AGO2: variants seen among roughly 807,000 people sequenced by gnomAD.
AGO2 encodes protein argonaute-2.
A neutral mutation model predicts 102.3 loss-of-function variants in AGO2; 5 were observed. That is an observed-to-expected ratio of 0.05 (90% CI 0.03 to 0.10). The LOEUF is 0.10. Ranked by LOEUF, AGO2 falls within the 10% of genes least tolerant of loss-of-function variation. AGO2 has a pLI of 1.00. For missense variants in AGO2, 541 were observed against 1,183.7 expected (o/e 0.46, Z 7.97); for synonymous variants, 449 against 473.1 (o/e 0.95, Z 0.66).
At chr8:140,608,139 GCT>G (rs1204936048) in intron 1 of AGO2, among the ~76,000 whole-genome samples, 2 of 152,154 alleles carry the variant, frequency 1.3e-5, no homozygotes, top group African/African-American at 4.8e-5. Flanking sequence ...GGGCTTGTGA[GCT>G]CTGTCTGGAG....
intron 2 of AGO2, among the ~76,000 whole-genome samples, chr8:140,581,599 C>G (rs1006388846): frequency 1.3e-5 from 2 of 152,250 alleles, no homozygotes; most frequent in African/African-American, 4.8e-5. Context: ...CAGATTCACA[C>G]AGGGTTCTAT....
intron 1 of AGO2, among the ~76,000 whole-genome samples, chr8:140,619,915 T>C (rs2074196111): frequency 6.6e-6 from 1 of 152,200 alleles, no homozygotes. Context: ...CATGTAGATG[T>C]GTGTACACAC....
chr8:140,607,433 C>T (rs910633965), intron 1 of AGO2, among the ~76,000 whole-genome samples: 3 of 142,784 alleles, frequency 2.1e-5, no homozygotes, highest in Admixed American at 1.4e-4. Flanking sequence ...GAGACCCCGT[C>T]TCACCCCCAC....
intron 1 of AGO2, among the ~76,000 whole-genome samples, chr8:140,628,082 T>G (rs928262038): frequency 1.3e-5 from 2 of 152,192 alleles, no homozygotes; most frequent in African/African-American, 4.8e-5. Context: ...GGCAATCACC[T>G]GGGACATCTG....
At chr8:140,641,456 T>G in the AGO2 span, among the ~76,000 whole-genome samples, 1 of 152,250 alleles carries the variant, frequency 6.6e-6, no homozygotes, top group Non-Finnish European at 1.5e-5. Context: ...TCCTTTATAC[T>G]ATCATTCTTA....
chr8:140,529,756 C>T lies in AGO2; in HGVS notation c.*2288G>A, dbSNP rs2072558277. On this transcript the variant is annotated 3_prime_UTR_variant, in exon 19 of 19. Transcript: ENST00000220592. ...GCTTAGACACAGATGCCCTGGCCAT[C>T]CCTGAAGTACCGCACGCAGGAGGTG... 6.6e-6 allele frequency: 1 copy of T among 152,192 alleles called. No individual in the cohort carries two copies. The highest frequency in any genetic ancestry group is 1.5e-5 in the Non-Finnish European group (1 of 68,036). The allele number at this position is 152,192 out of a possible 1,614,324, so 9.4% of individuals were successfully genotyped here. A position where few individuals can be genotyped will look rare whatever the true frequency, so the allele number is the denominator to read the frequency against.
chr8:140,625,979 C>G (rs1179947405), intron 1 of AGO2, among the ~76,000 whole-genome samples: 2 of 152,252 alleles, frequency 1.3e-5, no homozygotes, highest in Admixed American at 1.3e-4. Flanking sequence ...CACGAAGCAG[C>G]AGCACGCACA....
chr8:140,562,398 G>GA, intron 4 of AGO2, 55 bp downstream of exon 4: 1 of 1,556,330 alleles, frequency 6.4e-7, no homozygotes, highest in South Asian at 1.2e-5. Context: ...CCCTGCGGGG[G>GA]GCCCTCGGAG....
chr8:140,576,990 G>A (rs569131096), intron 2 of AGO2, among the ~76,000 whole-genome samples: 10 of 152,212 alleles, frequency 6.6e-5, no homozygotes, highest in African/African-American at 1.9e-4. Context: ...GGTGGATCAC[G>A]AGATCAGGAG....
intron 4 of AGO2, among the ~76,000 whole-genome samples, chr8:140,560,859 ACCTCTTGGGGCCTGTGTCCC>A: frequency 6.6e-6 from 1 of 151,754 alleles, no homozygotes; most frequent in Non-Finnish European, 1.5e-5. Context: ...TCTACTCTTC[ACCTCTTGGGGCCTGTGTCCC>A]CAAGCGCAGA....
intron 1 of AGO2, among the ~76,000 whole-genome samples, chr8:140,596,545 T>G (rs1564107544): frequency 6.6e-6 from 1 of 152,176 alleles, no homozygotes; most frequent in African/African-American, 2.4e-5. Context: ...ATGGCACCAT[T>G]GCACTCCAGC....
chr8:140,613,469 A>C (rs2074105891), intron 1 of AGO2, among the ~76,000 whole-genome samples: 1 of 152,222 alleles, frequency 6.6e-6, no homozygotes, highest in African/African-American at 2.4e-5. Flanking sequence ...GATATAACCC[A>C]CATAAACAAA....
intron 11 of AGO2, among the ~76,000 whole-genome samples, chr8:140,550,273 C>A (rs1230483812): frequency 2.0e-5 from 3 of 152,210 alleles, no homozygotes; most frequent in Non-Finnish European, 4.4e-5. Flanking sequence ...TGTTAAGGGA[C>A]CGGCTACACC....
intron 1 of AGO2, among the ~76,000 whole-genome samples, chr8:140,596,246 G>A (rs6987875): frequency 0.089 from 13,472 of 151,920 alleles, 688 homozygotes; most frequent in Non-Finnish European, 0.12. Flanking sequence ...ATGAATATTG[G>A]ATACATCATT....
Position 140,570,689 on chromosome 8 carries a change from G to A in AGO2, c.336+2123C>T, listed in dbSNP as rs188837112. On this transcript the variant is annotated intron_variant, in intron 3 of 18. Transcript: ENST00000220592. ...CACTGAAGTCTCACAAAGCCCCTGG[G>A]AAGTAGTTTTTATTGCCATCTCTCC... is the stretch of plus-strand genomic sequence containing the variant. Among the ~76,000 whole-genome samples the A allele has an allele frequency of 4.9e-3, 748 of 152,288 alleles. 10 individuals carry two copies. The highest frequency in any genetic ancestry group is 0.017 in the African/African-American group (703 of 41,554).
chr8:140,632,879 A>G (rs567881147), intron 1 of AGO2, among the ~76,000 whole-genome samples: 1 of 152,168 alleles, frequency 6.6e-6, no homozygotes, highest in South Asian at 2.1e-4. Flanking sequence ...AATTGGAAGT[A>G]GCAAAACTAT....
chr8:140,552,875 A>AC (rs951705234), intron 10 of AGO2, among the ~76,000 whole-genome samples: 5 of 152,004 alleles, frequency 3.3e-5, no homozygotes, highest in African/African-American at 1.2e-4. Context: ...GATCCCACTC[A>AC]CCCCCAAGTT....
intron 13 of AGO2, 79 bp from the exon 14 acceptor site, chr8:140,544,382 T>G (rs2072857346): frequency 8.4e-7 from 1 of 1,186,788 alleles, no homozygotes; most frequent in East Asian, 2.7e-5. Context: ...CCATCACCTT[T>G]TGGAGGTGGT....
At chr8:140,632,023 G>A (rs533510678) in intron 1 of AGO2, among the ~76,000 whole-genome samples, 1 of 152,090 alleles carries the variant, frequency 6.6e-6, no homozygotes, top group African/African-American at 2.4e-5. Context: ...TCACAGTAAC[G>A]ATTCGTGAAA....
Sources: allele counts gnomAD v4.1 joint callset (sites outside exome capture counted in the v4.1 genomes callset), GRCh38; gene constraint gnomAD v4.1.1; transcripts MANE v1.5; gene names NCBI Gene and HGNC (gene_info 2026-07-23, HGNC 2026-07-21).